The following ADCY8 variants were observed in gnomAD, a reference collection of about 807,000 sequenced individuals.
ADCY8 encodes the protein adenylate cyclase type 8.
In ADCY8, 51 loss-of-function variants were observed where a neutral mutation model predicts 119.7. The ratio of observed to expected loss-of-function variants is 0.43; its 90% CI spans 0.34 to 0.54. The LOEUF (loss-of-function observed/expected upper bound fraction) is 0.54, where lower values mean the gene tolerates loss of function less well. ADCY8 is among the 20% of genes least tolerant of loss of function. ADCY8 has a pLI of 0.03. For synonymous variants in ADCY8, 665 were observed against 651.0 expected (o/e 1.02, Z -0.33); for missense variants, 1,383 against 1,598.8 (o/e 0.87, Z 2.30).
intron 8 of ADCY8, among the ~76,000 whole-genome samples, chr8:130,880,777 A>C (rs1818741177): frequency 6.6e-6 from 1 of 152,176 alleles, no homozygotes; most frequent in Admixed American, 6.6e-5. Context: ...TTTTAGAGTG[A>C]AGGGAGGTGA....
At chr8:131,009,351 T>C (rs1188735120) in intron 1 of ADCY8, among the ~76,000 whole-genome samples, 2 of 152,206 alleles carry the variant, frequency 1.3e-5, no homozygotes, top group Non-Finnish European at 2.9e-5. Context: ...GGGCCATTGC[T>C]TGAGAGAGTG....
rs550472690 is a variant in ADCY8, at chr8:130,978,953, C to T, written c.1110+11440G>A. ...CTGAATAATGAAGTGATCAAACAAG[C>T]GTACTAGATGGCCCCTGGACCAAGC... On this transcript the variant is annotated intron_variant, in intron 2 of 17. Transcript: ENST00000286355. 7.2e-5 allele frequency among the ~76,000 whole-genome samples: 11 copies of T among 152,180 alleles called. No homozygotes were observed. In the East Asian group the frequency reaches 1.5e-3, roughly 21 times the overall value.
intron 7 of ADCY8, among the ~76,000 whole-genome samples, chr8:130,885,380 G>A (rs1414353069): frequency 6.6e-6 from 1 of 152,020 alleles, no homozygotes; most frequent in South Asian, 2.1e-4. Context: ...AGATATATGT[G>A]TGTAATTTCT....
At chr8:130,849,201 T>G (rs1817432061) in intron 10 of ADCY8, among the ~76,000 whole-genome samples, 1 of 152,154 alleles carries the variant, frequency 6.6e-6, no homozygotes, top group African/African-American at 2.4e-5. Flanking sequence ...TGGGGATAAT[T>G]AAACTTACCT....
intron 11 of ADCY8, among the ~76,000 whole-genome samples, chr8:130,836,956 A>G (rs1039034711): frequency 6.6e-6 from 1 of 151,734 alleles, no homozygotes; most frequent in African/African-American, 2.4e-5. Flanking sequence ...CTGGTCTTGA[A>G]CTCCTGACCT....
intron 2 of ADCY8, among the ~76,000 whole-genome samples, chr8:130,956,610 T>G (rs1821433411): frequency 6.6e-6 from 1 of 152,216 alleles, no homozygotes; most frequent in Non-Finnish European, 1.5e-5. Flanking sequence ...CGTTCATCTT[T>G]TTGTATCCAA....
Position 130,820,406 on chromosome 8 carries a change from A to C in ADCY8, c.2754+936T>G, listed in dbSNP as rs138044998. The stretch of plus-strand genomic sequence containing the variant: ...TGGTTATGGTTTTTGAAGTACACAC[A>C]GACCACAGAAAGATGGACCAAGATC... On this transcript the variant is annotated intron_variant, in intron 13 of 17. Transcript: ENST00000286355. Among the ~76,000 whole-genome samples, 87 of 152,274 alleles carry C rather than the reference A, an allele frequency of 5.7e-4. No individual in the cohort carries two copies. The East Asian group carries it at 0.016, about 28-fold the overall frequency.
chr8:130,846,583 C>T (rs1586474082), intron 11 of ADCY8, among the ~76,000 whole-genome samples: 1 of 131,438 alleles, frequency 7.6e-6, no homozygotes, highest in African/African-American at 3.0e-5. Flanking sequence ...CCTTCTTCCC[C>T]TCCCTCCCTT....
At position 131,039,484 on chromosome 8, in the gene ADCY8, T is replaced by C. The variant is rs1824281457; in HGVS notation, c.850A>G (p.Met284Val). The change falls in exon 1 of 18, where the codon ATG becomes GTG. Residue 284 changes from methionine to valine, a missense_variant. Transcript: ENST00000286355. Reference sequence around the variant, plus strand: ...GCCCAGGTGAGCGGCAGCGGCAGCATACTGTAGGTGGCGAAGAGCGTGAAG... The same window carrying C: ...GCCCAGGTGAGCGGCAGCGGCAGCACACTGTAGGTGGCGAAGAGCGTGAAG... ...VLFTLFATYS[M>V]LPLPLTWAIL... 1.9e-6 allele frequency: 3 copies of C among 1,613,856 alleles called. No homozygotes were observed. The highest frequency in any genetic ancestry group is 3.3e-5 in the Admixed American group (2 of 60,006).
At chr8:130,936,265 C>T (rs1351807457) in intron 5 of ADCY8, among the ~76,000 whole-genome samples, 1 of 152,120 alleles carries the variant, frequency 6.6e-6, no homozygotes, top group African/African-American at 2.4e-5. Context: ...CCAGAGTCCT[C>T]AACCCCAATA....
At chr8:130,848,958 C>G (rs1481629848) in intron 10 of ADCY8, among the ~76,000 whole-genome samples, 2 of 152,172 alleles carry the variant, frequency 1.3e-5, no homozygotes, top group Non-Finnish European at 2.9e-5. Context: ...GTGAGATACT[C>G]AGCTTTCCTG....
At chr8:130,999,612 T>C (rs550238289) in intron 1 of ADCY8, among the ~76,000 whole-genome samples, 1 of 152,314 alleles carries the variant, frequency 6.6e-6, no homozygotes, top group East Asian at 1.9e-4. Flanking sequence ...CTATATTTTC[T>C]TCATAGCACA....
chr8:130,999,247 G>A (rs1042722169), intron 1 of ADCY8, among the ~76,000 whole-genome samples: 13 of 152,098 alleles, frequency 8.5e-5, no homozygotes, highest in African/African-American at 2.7e-4. Context: ...TGTGATCACC[G>A]GAAAGTGGAA....
intron 12 of ADCY8, among the ~76,000 whole-genome samples, chr8:130,831,125 A>G (rs569281995): frequency 2.0e-4 from 30 of 152,362 alleles, no homozygotes; most frequent in African/African-American, 6.5e-4. Flanking sequence ...TGAGGAGCAC[A>G]TATTATAAGG....
At chr8:130,920,353 C>T (rs1007276801) in intron 5 of ADCY8, among the ~76,000 whole-genome samples, 4 of 151,966 alleles carry the variant, frequency 2.6e-5, no homozygotes, top group African/African-American at 9.7e-5. Context: ...CCATTTAGAA[C>T]CAAAAACACC....
At chr8:130,871,272 T>G (rs777581740) in intron 8 of ADCY8, among the ~76,000 whole-genome samples, 2 of 152,222 alleles carry the variant, frequency 1.3e-5, no homozygotes, top group African/African-American at 2.4e-5. Context: ...AAGGACTCCT[T>G]GTCTCATCTC....
intron 11 of ADCY8, among the ~76,000 whole-genome samples, chr8:130,846,888 T>TTTCC (rs767208726): frequency 0.093 from 1,820 of 19,672 alleles, 125 homozygotes; most frequent in African/African-American, 0.13. Context: ...TTCCCTTCCC[T>TTTCC]TTCCTTCCTT....
chr8:131,004,497 C>T (rs377053983), intron 1 of ADCY8, among the ~76,000 whole-genome samples: 3 of 152,154 alleles, frequency 2.0e-5, no homozygotes, highest in South Asian at 2.1e-4. Context: ...TTTGATCTCT[C>T]GACCTGTACT....
chr8:130,984,917 T>C (rs529847721), intron 2 of ADCY8, among the ~76,000 whole-genome samples: 15 of 152,116 alleles, frequency 9.9e-5, no homozygotes, highest in Non-Finnish European at 2.2e-4. Context: ...GAGATGCTGA[T>C]GTGGGAACAA....
Sources: allele counts gnomAD v4.1 joint callset (sites outside exome capture counted in the v4.1 genomes callset), GRCh38; gene constraint gnomAD v4.1.1; transcripts MANE v1.5; gene names NCBI Gene and HGNC (gene_info 2026-07-23, HGNC 2026-07-21).